NTM: variants seen among roughly 807,000 people sequenced by gnomAD.
NTM encodes the protein neurotrimin.
NTM carries 13 observed loss-of-function variants against 42.1 expected under a neutral mutation model. That is an observed-to-expected ratio of 0.31 (90% CI 0.20 to 0.49). The LOEUF is 0.49. Ranked by LOEUF, NTM falls within the 20% of genes least tolerant of loss-of-function variation. The pLI, the probability that NTM is intolerant of heterozygous loss-of-function variation, is 0.99. For synonymous variants in NTM, 187 were observed against 179.2 expected, an observed-to-expected ratio of 1.04 and a Z score of -0.35; for missense variants, 373 against 452.8, an observed-to-expected ratio of 0.82 and a Z score of 1.60.
intron 4 of NTM, among the ~76,000 whole-genome samples, chr11:132,267,777 T>C (rs969160939): frequency 6.6e-6 from 1 of 151,012 alleles, no homozygotes; most frequent in Non-Finnish European, 1.5e-5. Context: ...GGGAGGCAGA[T>C]GTTGCAGCGA....
intron 3 of NTM, among the ~76,000 whole-genome samples, chr11:132,166,345 G>A (rs1374995183): frequency 2.6e-5 from 4 of 152,084 alleles, no homozygotes; most frequent in African/African-American, 4.8e-5. Flanking sequence ...GTCTGTTGCA[G>A]AAACCTCACC....
intron 1 of NTM, among the ~76,000 whole-genome samples, chr11:131,608,648 C>T (rs1050020399): frequency 1.1e-5 from 1 of 91,012 alleles, no homozygotes; most frequent in Non-Finnish European, 2.6e-5. Flanking sequence ...CCATTCCCGC[C>T]TTTCTTTTCA....
intron 4 of NTM, among the ~76,000 whole-genome samples, chr11:132,238,518 C>A (rs999483801): frequency 7.8e-4 from 52 of 66,858 alleles, no homozygotes; most frequent in Non-Finnish European, 1.2e-3. Flanking sequence ...CACAGCAACC[C>A]ACAATAGACA....
chr11:132,175,964 G>T (rs539392788), intron 3 of NTM, among the ~76,000 whole-genome samples: 3 of 151,822 alleles, frequency 2.0e-5, no homozygotes, highest in African/African-American at 7.3e-5. Flanking sequence ...TTCTCTCACT[G>T]TATCTCTTGA....
At chr11:131,504,667 A>G (rs527944900) in intron 1 of NTM, among the ~76,000 whole-genome samples, 2 of 151,824 alleles carry the variant, frequency 1.3e-5, no homozygotes, top group Non-Finnish European at 2.9e-5. Flanking sequence ...GGCCTTTCCA[A>G]ACTCTTCCTG....
intron 1 of NTM, among the ~76,000 whole-genome samples, chr11:131,784,351 C>T (rs976673568): frequency 2.0e-4 from 30 of 152,074 alleles, no homozygotes; most frequent in Non-Finnish European, 4.0e-4. Context: ...AATTCAAATG[C>T]TCATCAGAAA....
At chr11:131,587,120 A>C (rs753178494) in intron 1 of NTM, among the ~76,000 whole-genome samples, 1 of 152,122 alleles carries the variant, frequency 6.6e-6, no homozygotes, top group Non-Finnish European at 1.5e-5. Flanking sequence ...CATGCTCTGG[A>C]GTGAGTTCTG....
chr11:132,070,770 G>A (rs1314226524), intron 2 of NTM, among the ~76,000 whole-genome samples: 2 of 140,766 alleles, frequency 1.4e-5, no homozygotes, highest in African/African-American at 5.3e-5. Flanking sequence ...TAGTTAACAC[G>A]TCACTCACCC....
intron 4 of NTM, among the ~76,000 whole-genome samples, chr11:132,300,552 A>G (rs2094805238): frequency 6.6e-6 from 1 of 152,218 alleles, no homozygotes; most frequent in Non-Finnish European, 1.5e-5. Context: ...GCCTAGTATC[A>G]GGCCTACAGA....
intron 3 of NTM, among the ~76,000 whole-genome samples, chr11:132,203,927 A>C (rs1432466546): frequency 1.3e-5 from 2 of 151,722 alleles, no homozygotes; most frequent in African/African-American, 2.4e-5. Flanking sequence ...ACAACAACAA[A>C]AAAAAAACAC....
chr11:131,834,141 A>G (rs2136579645), intron 1 of NTM, among the ~76,000 whole-genome samples: 1 of 152,048 alleles, frequency 6.6e-6, no homozygotes, highest in African/African-American at 2.4e-5. Context: ...GCCTCTGTTT[A>G]GTCTCTGTTT....
rs1184740398 is a variant in NTM, at chr11:131,598,828, TC to T, written c.82+227941del. ...CTTTCTTTCTTCTTTCTTTCTTTCT[TC>T]TTTCTTTCTTTCTTTCTTTCTTCCT... On this transcript the variant is annotated intron_variant, in intron 1 of 8. Transcript: ENST00000683400. 5.5e-3 allele frequency among the ~76,000 whole-genome samples: 200 copies of T among 36,484 alleles called. 32 individuals are homozygous for T. The highest frequency in any genetic ancestry group is 0.022 in the African/African-American group (195 of 8,696). 23.9% of individuals were successfully genotyped at this position (36,484 alleles called of 152,430 possible). A position where few individuals can be genotyped will look rare whatever the true frequency, so the allele number is the denominator to read the frequency against.
chr11:131,911,262 A>G lies in NTM; in HGVS notation c.83-302A>G, dbSNP rs2054891550. On this transcript the variant is annotated intron_variant, in intron 1 of 8. Coordinates refer to ENST00000683400, the MANE Select transcript of NTM (RefSeq NM_001352005.2). ...AGCCCCCTTTGGCCGTCCTCCGTGG[A>G]ACCGGTTTTCCGAGGCTGGCAAAAG... 7 of 1,419,200 alleles carry G rather than the reference A, an allele frequency of 4.9e-6. No homozygotes were observed. In the South Asian group the frequency reaches 1.1e-4, roughly 22 times the overall value. The allele number at this position is 1,419,200 out of a possible 1,614,324, so 87.9% of individuals were successfully genotyped here.
intron 3 of NTM, among the ~76,000 whole-genome samples, chr11:132,198,265 G>A (rs2080596619): frequency 6.6e-6 from 1 of 152,162 alleles, no homozygotes; most frequent in Non-Finnish European, 1.5e-5. Context: ...GGGTGCAGTG[G>A]TGCAGTCTTG....
intron 2 of NTM, among the ~76,000 whole-genome samples, chr11:132,131,135 G>A (rs919187561): frequency 7.2e-5 from 11 of 152,224 alleles, no homozygotes; most frequent in African/African-American, 2.7e-4. Flanking sequence ...CTTTTGTGGA[G>A]CACAAAATGT....
At position 131,699,924 on chromosome 11, in the gene NTM, GTGTGTGTGTGTGTGTGTGTGT is replaced by G. The variant is rs1464002918; in HGVS notation, c.83-211639_83-211619del. On this transcript the variant is annotated intron_variant, in intron 1 of 8. Transcript: ENST00000683400. Reference sequence around the variant, plus strand: ...CAAAGCAGCAGGTGTGTGTGTGTGTGTGTGTGTGTGTGTGTGTGTGTGTGTGTGTGTGTGTGTGTATTCAGT... The same window carrying G: ...CAAAGCAGCAGGTGTGTGTGTGTGTGGTGTGTGTGTGTGTGTGTATTCAGT... Among the ~76,000 whole-genome samples, 102 of 101,044 alleles carry G rather than the reference GTGTGTGTGTGTGTGTGTGTGT, an allele frequency of 1.0e-3. 1 individual carries two copies. The highest frequency in any genetic ancestry group is 3.0e-3 in the African/African-American group (84 of 27,682). The allele number at this position is 101,044 out of a possible 152,430, so 66.3% of individuals were successfully genotyped here.
intron 2 of NTM, among the ~76,000 whole-genome samples, chr11:131,968,583 C>G (rs2063137301): frequency 6.6e-6 from 1 of 152,152 alleles, no homozygotes; most frequent in Non-Finnish European, 1.5e-5. Flanking sequence ...CCCATCTTGC[C>G]TGATCAGCGT....
intron 1 of NTM, among the ~76,000 whole-genome samples, chr11:131,712,908 A>G (rs796446722): frequency 8.5e-5 from 13 of 152,320 alleles, no homozygotes; most frequent in African/African-American, 3.1e-4. Context: ...AAAGGAAGAA[A>G]GCAGGAAGGG....
At chr11:132,007,100 C>A (rs1466250294) in intron 2 of NTM, among the ~76,000 whole-genome samples, 1 of 152,202 alleles carries the variant, frequency 6.6e-6, no homozygotes, top group African/African-American at 2.4e-5. Flanking sequence ...AAAAGCTCCT[C>A]CCTGTCACAC....
Sources: allele counts gnomAD v4.1 joint callset (sites outside exome capture counted in the v4.1 genomes callset), GRCh38; gene constraint gnomAD v4.1.1; transcripts MANE v1.5; gene names NCBI Gene and HGNC (gene_info 2026-07-23, HGNC 2026-07-21).